The following ABCC11 variants were observed in gnomAD, a reference collection of about 807,000 sequenced individuals.
The protein encoded by ABCC11 is ATP binding cassette subfamily C member 11.
A neutral mutation model predicts 149.3 loss-of-function variants in ABCC11; 135 were observed. That is an observed-to-expected ratio of 0.90 (90% confidence interval 0.79 to 1.04). The LOEUF (loss-of-function observed/expected upper bound fraction) is 1.04. Ranked by LOEUF, ABCC11 falls within the 50% of genes least tolerant of loss-of-function variation. ABCC11 has a pLI of 0.00. For synonymous variants in ABCC11, 665 were observed against 671.4 expected (o/e 0.99, Z 0.15); for missense variants, 1,680 against 1,722.1 (o/e 0.98, Z 0.43).
In ABCC11 at chr16:48,184,508, A is replaced by G. The variant is rs1331894667; in HGVS notation, c.3190T>C (p.Phe1064Leu). The change falls in exon 23 of 30, where the codon TTC becomes CTC. Residue 1064 changes from phenylalanine to leucine, a missense_variant. Phe to Leu is a conservative substitution (Grantham distance 22). Transcript: ENST00000356608. ...TNLVTLAVAL[F>L]VAFGISSTPY... ...GTGGAGGAAATGCCAAAAGCCACGA[A>G]CAGGGCAACAGCCAAGGTCACAAGG... 2 of 1,614,246 alleles carry G rather than the reference A, an allele frequency of 1.2e-6. No individual in the cohort carries two copies. Among genetic ancestry groups the G allele is most frequent in the East Asian group, 2.2e-5 (1 of 44,892 alleles).
chr16:48,167,145 A>T lies in ABCC11; in HGVS notation c.*129T>A. On this transcript the variant is annotated 3_prime_UTR_variant, in exon 30 of 30. Transcript: ENST00000356608. ...CCATCCAGCAATCCCCACCCCCCCT[A>T]CATTTACCCCTGCTTCCAGGAGAAG... The T allele has an allele frequency of 2.0e-5, 7 of 356,996 alleles. No homozygotes were observed. The highest frequency in any genetic ancestry group is 3.4e-5 in the Admixed American group (1 of 29,600). The allele number at this position is 356,996 out of a possible 1,614,324, so 22.1% of individuals were successfully genotyped here. A position where few individuals can be genotyped will look rare whatever the true frequency, so the allele number is the denominator to read the frequency against.
In ABCC11 at chr16:48,214,901, G is replaced by C; in HGVS notation, c.1228C>G (p.Leu410Val). Reference sequence around the variant, plus strand: ...CTTACCATTGACGCTGTGAGTTTCAGCTTTAAGGATGTGTGGATGAGAACC... The same window carrying C: ...CTTACCATTGACGCTGTGAGTTTCACCTTTAAGGATGTGTGGATGAGAACC... ...VWVLIHTSLK[L>V]KLTASMAFSM... Residue 410 changes from leucine to valine, a missense_variant, in exon 9 of 30, where the codon CTG (leucine) becomes GTG (valine). By Grantham distance (32) the Leu-to-Val change is conservative. Transcript: ENST00000356608. 6.2e-7 allele frequency: 1 copy of C among 1,614,214 alleles called. No individual in the cohort carries two copies. Among genetic ancestry groups the C allele is most frequent in the Non-Finnish European group, 8.5e-7 (1 of 1,180,032 alleles).
intron 13 of ABCC11, among the ~76,000 whole-genome samples, chr16:48,204,048 T>C (rs1472312999): frequency 6.6e-6 from 1 of 152,268 alleles, no homozygotes; most frequent in Non-Finnish European, 1.5e-5. Flanking sequence ...TGATGGACAC[T>C]GGAATTTTTT....
intron 10 of ABCC11, among the ~76,000 whole-genome samples, chr16:48,212,735 T>G (rs1484446795): frequency 6.6e-6 from 1 of 152,220 alleles, no homozygotes; most frequent in African/African-American, 2.4e-5. Flanking sequence ...CAATAAATAT[T>G]TTTTGCATTA....
At position 48,205,663 on chromosome 16, in the gene ABCC11, G is replaced by T; in HGVS notation, c.1681-126C>A. ...CCTTGGGGGCTCTCCTAGGTAAAAG[G>T]GACTTTTAATGTGGCCCTACCAGGC... On this transcript the variant is annotated intron_variant, in intron 12 of 29. Coordinates refer to ENST00000356608, the MANE Select transcript of ABCC11 (RefSeq NM_001370497.1). The T allele has an allele frequency of 2.3e-6, 3 of 1,304,978 alleles. No individual in the cohort carries two copies. In the South Asian group the frequency reaches 4.6e-5, roughly 20 times the overall value. The allele number at this position is 1,304,978 out of a possible 1,614,324, so 80.8% of individuals were successfully genotyped here.
intron 13 of ABCC11, among the ~76,000 whole-genome samples, chr16:48,203,635 A>G (rs1280199991): frequency 6.6e-6 from 1 of 152,186 alleles, no homozygotes; most frequent in Non-Finnish European, 1.5e-5. Flanking sequence ...TGGGAGGCCA[A>G]GGAGGGCAAA....
rs373855363 is a variant in ABCC11, at chr16:48,177,434, C to G, written c.3349-321G>C. On this transcript the variant is annotated intron_variant, in intron 24 of 29. Coordinates refer to ENST00000356608, the MANE Select transcript of ABCC11 (RefSeq NM_001370497.1). Reference sequence around the variant, plus strand: ...ACAGTAAAGGCAGCAGAGACTCCCCCCTTCGGGGGGGTTCATAGCTCAGAG... The same window carrying G: ...ACAGTAAAGGCAGCAGAGACTCCCCGCTTCGGGGGGGTTCATAGCTCAGAG... Among the ~76,000 whole-genome samples the G allele has an allele frequency of 7.9e-5, 12 of 152,366 alleles. No homozygotes were observed. In the South Asian group the frequency reaches 1.7e-3, roughly 21 times the overall value.
chr16:48,198,072 G>A lies in ABCC11; in HGVS notation c.2218-5C>T. The A allele has an allele frequency of 6.2e-7, 1 of 1,614,184 alleles. No homozygotes were observed. Among genetic ancestry groups the A allele is most frequent in the African/African-American group, 1.3e-5 (1 of 75,044 alleles). On this transcript the variant is annotated splice_region_variant and splice_polypyrimidine_tract_variant and intron_variant, in intron 16 of 29. Transcript: ENST00000356608. ...TGCTGTGTCCTGCAACATGTCCTGGGGAGAGAGCACAGGCCCTGAGTACAC... is the reference window on the plus strand; with the variant it reads ...TGCTGTGTCCTGCAACATGTCCTGGAGAGAGAGCACAGGCCCTGAGTACAC...
At chr16:48,216,753 T>A (rs990937695) in intron 6 of ABCC11, among the ~76,000 whole-genome samples, 42 of 152,318 alleles carry the variant, frequency 2.8e-4, no homozygotes, top group African/African-American at 1.0e-3. Context: ...GCTTTTAAGA[T>A]AACAGAACTG....
At chr16:48,170,745 C>G in intron 27 of ABCC11, 144 bp downstream of exon 27, 1 of 762,050 alleles carries the variant, frequency 1.3e-6, no homozygotes, top group South Asian at 1.7e-5. Context: ...CTTAGGAATG[C>G]CAAGTCATCT....
chr16:48,213,689 G>A, intron 9 of ABCC11, 139 bp from the exon 10 acceptor site: 1 of 617,760 alleles, frequency 1.6e-6, no homozygotes, highest in Non-Finnish European at 2.7e-6. Context: ...CTAGTGTTTG[G>A]AGGAGACTGG....
Position 48,198,264 on chromosome 16 carries a change from A to G in ABCC11, c.2094T>C (p.Phe698=), listed in dbSNP as rs950455922. 9 of 1,614,134 alleles carry G rather than the reference A, an allele frequency of 5.6e-6. No individual in the cohort carries two copies. Among genetic ancestry groups the G allele is most frequent in the South Asian group, 2.2e-5 (2 of 91,092 alleles). ...LVTHQLQYLE[F]CGQIILLENG... is the part of the protein sequence containing the mutation. ...TTTCCAACAAAATGATCTGGCCACA[A>G]AATTCTAAGTACTGGACAGTCAAAA... Residue 698 remains phenylalanine, a synonymous_variant, in exon 16 of 30, where the codon TTT becomes TTC. Transcript: ENST00000356608.
rs1242516462 is a variant in ABCC11, at chr16:48,198,129, G to C, written c.2217+12C>G. On this transcript the variant is annotated intron_variant, in intron 16 of 29. Transcript: ENST00000356608. ...CCACCGTGGGTAGTGAGGGCAGTGG[G>C]GCAGGACTCACCGAAGTGGCTTCCT... 10 of 1,614,024 alleles carry C rather than the reference G, an allele frequency of 6.2e-6. No homozygotes were observed. In the South Asian group the frequency reaches 8.8e-5, roughly 14 times the overall value.
chr16:48,177,958 T>C (rs1966194551), intron 24 of ABCC11, among the ~76,000 whole-genome samples: 1 of 152,192 alleles, frequency 6.6e-6, no homozygotes, highest in Admixed American at 6.5e-5. Flanking sequence ...AATAAAATTG[T>C]TCCATGATCC....
rs1200579765 is a variant in ABCC11 at position 48,203,903 on chromosome 16, T to C, written c.1806-603A>G. ...GCAGCCACTATTACAGTGTCTTACGTATTTATTCAGAAATAATCTATTCGT... is the reference window on the plus strand; with the variant it reads ...GCAGCCACTATTACAGTGTCTTACGCATTTATTCAGAAATAATCTATTCGT... On this transcript the variant is annotated intron_variant, in intron 13 of 29. Transcript: ENST00000356608. Among the ~76,000 whole-genome samples the C allele has an allele frequency of 2.0e-5, 3 of 152,232 alleles. No homozygotes were observed. The East Asian group carries it at 5.8e-4, about 29-fold the overall frequency.
At chr16:48,208,015 T>C (rs1318588789) in intron 12 of ABCC11, among the ~76,000 whole-genome samples, 2 of 152,190 alleles carry the variant, frequency 1.3e-5, no homozygotes, top group African/African-American at 4.8e-5. Context: ...GTTATGAGTC[T>C]GGCTTTACAA....
At chr16:48,187,616 G>C (rs1400341459) in intron 20 of ABCC11, among the ~76,000 whole-genome samples, 189 bp from the exon 21 acceptor site, 1 of 152,178 alleles carries the variant, frequency 6.6e-6, no homozygotes, top group Non-Finnish European at 1.5e-5. Context: ...ACCTACTGCT[G>C]TCTGACCTCG....
intron 2 of ABCC11, among the ~76,000 whole-genome samples, chr16:48,230,819 A>G (rs1970376940): frequency 6.6e-6 from 1 of 152,184 alleles, no homozygotes; most frequent in African/African-American, 2.4e-5. Flanking sequence ...TTTATCTGAC[A>G]GTAAACAATT....
At chr16:48,210,642 G>A (rs1011910845) in intron 11 of ABCC11, 4 of 361,834 alleles carry the variant, frequency 1.1e-5, no homozygotes, top group Non-Finnish European at 1.5e-5. Flanking sequence ...TGTAATAAAT[G>A]TTAGCTGGGT....
Sources: gnomAD v4.1 joint callset for allele counts (sites outside exome capture counted in the v4.1 genomes callset) on GRCh38, gnomAD v4.1.1 for gene constraint, MANE v1.5 for transcripts, NCBI Gene and HGNC (gene_info 2026-07-23, HGNC 2026-07-21) for gene names.